The following CAPN1 variants were observed in gnomAD, a reference collection of about 807,000 sequenced individuals.
The protein encoded by CAPN1 is calpain 1, also known as calpain-1 catalytic subunit.
Under a neutral mutation model 105.2 loss-of-function variants are expected in CAPN1, and 77 were observed. The ratio of observed to expected loss-of-function variants is 0.73; its 90% CI spans 0.61 to 0.88. The LOEUF is 0.88. Ranked by LOEUF, CAPN1 falls within the 40% of genes least tolerant of loss-of-function variation. The pLI is 0.00. For synonymous variants in CAPN1, 355 were observed against 388.8 expected, an observed-to-expected ratio of 0.91 and a Z score of 1.02; for missense variants, 833 against 976.6, an observed-to-expected ratio of 0.85 and a Z score of 1.96.
chr11:65,185,997 C>T lies in CAPN1; in HGVS notation c.537C>T (p.His179=). 1.2e-6 allele frequency: 2 copies of T among 1,608,626 alleles called. No individual in the cohort carries two copies. The highest frequency in any genetic ancestry group is 1.1e-5 in the South Asian group (1 of 90,028). Reference sequence around the variant, plus strand: ...AGGACGGGAAGCTAGTGTTCGTGCACTCTGCCGAAGGCAACGAGTTCTGGA... The same window carrying T: ...AGGACGGGAAGCTAGTGTTCGTGCATTCTGCCGAAGGCAACGAGTTCTGGA... ...PIKDGKLVFV[H]SAEGNEFWSA... Residue 179 remains histidine, a synonymous_variant, in exon 5 of 22, where the codon CAC becomes CAT. Coordinates refer to ENST00000279247, the MANE Select transcript of CAPN1 (RefSeq NM_005186.4).
Position 65,204,666 on chromosome 11 carries a change from T to C in CAPN1, c.1166-17T>C. ...CCCCGCCCTGCCTCTGATCCCCGCC[T>C]CCTCACCTGCCCGCAGCCACCTTCT... On this transcript the variant is annotated splice_polypyrimidine_tract_variant and intron_variant, in intron 10 of 21. Transcript: ENST00000279247. 6.2e-7 allele frequency: 1 copy of C among 1,602,566 alleles called. No homozygotes were observed. The highest frequency in any genetic ancestry group is 2.2e-5 in the East Asian group (1 of 44,524).
Position 65,209,711 on chromosome 11 carries a change from G to C in CAPN1, c.1795-138G>C. On this transcript the variant is annotated intron_variant, in intron 17 of 21. Transcript: ENST00000279247. The surrounding 1 kb of genome is among the most constrained non-coding windows in gnomAD (Gnocchi z 4.1). ...AGGCAAGCCCGGCTGTGGGCTGACT[G>C]TACATGGCTTTTGCTGCTTCTCCTC... is the stretch of plus-strand genomic sequence containing the variant. 1.2e-6 allele frequency: 1 copy of C among 829,074 alleles called. No individual in the cohort carries two copies. The highest frequency in any genetic ancestry group is 2.7e-5 in the East Asian group (1 of 37,604). The allele number at this position is 829,074 out of a possible 1,614,324, so 51.4% of individuals were successfully genotyped here. A position where few individuals can be genotyped will look rare whatever the true frequency, so the allele number is the denominator to read the frequency against.
chr11:65,210,286 G>GGA lies in CAPN1; in HGVS notation c.1943-50_1943-49insGA. 7.3e-7 allele frequency: 1 copy of GGA among 1,377,112 alleles called. No homozygotes were observed. The highest frequency in any genetic ancestry group is 1.2e-5 in the South Asian group (1 of 83,556). 85.3% of individuals were successfully genotyped at this position (1,377,112 alleles called of 1,614,324 possible). ...GGGGACCCAACCCCTCCCCCATCCTGTTGGGCAGGGGCTGCGCCTCACTGA... is the reference window on the plus strand; with the variant it reads ...GGGGACCCAACCCCTCCCCCATCCTGGATTGGGCAGGGGCTGCGCCTCACTGA... On this transcript the variant is annotated intron_variant, in intron 19 of 21. Coordinates refer to ENST00000279247, the MANE Select transcript of CAPN1 (RefSeq NM_005186.4). The surrounding 1 kb of genome is among the most constrained non-coding windows in gnomAD (Gnocchi z 4.3).
chr11:65,192,925 T>C (rs183055704), intron 10 of CAPN1, among the ~76,000 whole-genome samples: 1 of 151,188 alleles, frequency 6.6e-6, no homozygotes, highest in East Asian at 2.0e-4. Flanking sequence ...TATTTTCTAA[T>C]AATTTATTCT....
rs373268116 is a variant in CAPN1, at chr11:65,183,424, C to T, written c.338-50C>T. 28 of 1,425,386 alleles carry T rather than the reference C, an allele frequency of 2.0e-5. 1 individual carries two copies. In the African/African-American group the frequency reaches 3.6e-4, roughly 18 times the overall value. The allele number at this position is 1,425,386 out of a possible 1,614,324, so 88.3% of individuals were successfully genotyped here. A position where few individuals can be genotyped will look rare whatever the true frequency, so the allele number is the denominator to read the frequency against. Reference sequence around the variant, plus strand: ...GATTCTCCCTAGCACCCGCTTCCCCCCCCGGGGCAGGTTGGTAGAGCAGGC... The same window carrying T: ...GATTCTCCCTAGCACCCGCTTCCCCTCCCGGGGCAGGTTGGTAGAGCAGGC... On this transcript the variant is annotated intron_variant, in intron 3 of 21. Transcript: ENST00000279247.
chr11:65,209,755 T>C lies in CAPN1; in HGVS notation c.1795-94T>C. 7.8e-7 allele frequency: 1 copy of C among 1,275,088 alleles called. No individual in the cohort carries two copies. Among genetic ancestry groups the C allele is most frequent in the Non-Finnish European group, 1.1e-6 (1 of 899,510 alleles). 79.0% of individuals were successfully genotyped at this position (1,275,088 alleles called of 1,614,324 possible). On this transcript the variant is annotated intron_variant, in intron 17 of 21. Transcript: ENST00000279247. The surrounding 1 kb of genome is among the most constrained non-coding windows in gnomAD (Gnocchi z 4.1). The stretch of plus-strand genomic sequence containing the variant: ...TCTCCTCACCCAGCCCCAAGTCGAC[T>C]TGCCGGCTCGGCGGCCATCTCCCCT...
At chr11:65,186,822 C>G (rs903822673) in intron 6 of CAPN1, among the ~76,000 whole-genome samples, 4 of 152,208 alleles carry the variant, frequency 2.6e-5, no homozygotes, top group African/African-American at 9.7e-5. Flanking sequence ...ACCCCAGCTC[C>G]CATTCCCATT....
At chr11:65,195,735 A>G (rs943717996) in intron 10 of CAPN1, among the ~76,000 whole-genome samples, 1 of 152,040 alleles carries the variant, frequency 6.6e-6, no homozygotes, top group Non-Finnish European at 1.5e-5. Flanking sequence ...CTTTAAGGTA[A>G]TGCTGGCCTC....
At chr11:65,186,392 C>T in intron 6 of CAPN1, 54 bp downstream of exon 6, 1 of 1,505,548 alleles carries the variant, frequency 6.6e-7, no homozygotes, top group Admixed American at 2.1e-5. Context: ...GTATCCTGAC[C>T]TGTCACATTT....
chr11:65,210,214 CT>C lies in CAPN1; in HGVS notation c.1943-118del. 1.7e-6 allele frequency: 2 copies of C among 1,144,038 alleles called. No individual in the cohort carries two copies. Among genetic ancestry groups the C allele is most frequent in the Non-Finnish European group, 2.6e-6 (2 of 767,250 alleles). 70.9% of individuals were successfully genotyped at this position (1,144,038 alleles called of 1,614,324 possible). On this transcript the variant is annotated intron_variant, in intron 19 of 21. Transcript: ENST00000279247. This position sits in a 1 kb window ranked among gnomAD's most constrained non-coding sequence, Gnocchi z 4.3. ...GTGACATGGTAACAGCCATCTTGTCCTTTTCCCCACGGTTACTAGCACCCTG... is the reference window on the plus strand; with the variant it reads ...GTGACATGGTAACAGCCATCTTGTCCTTTCCCCACGGTTACTAGCACCCTG...
At chr11:65,198,470 G>A (rs964933574) in intron 10 of CAPN1, among the ~76,000 whole-genome samples, 70 of 152,032 alleles carry the variant, frequency 4.6e-4, no homozygotes, top group African/African-American at 1.3e-3. Flanking sequence ...TACCCTCCTC[G>A]TGAACAATGC....
At chr11:65,200,485 A>G (rs1948852201) in intron 10 of CAPN1, among the ~76,000 whole-genome samples, 1 of 152,106 alleles carries the variant, frequency 6.6e-6, no homozygotes, top group Non-Finnish European at 1.5e-5. Context: ...CTGGGATTAC[A>G]GGCGTGTGCC....
chr11:65,184,507 C>T (rs1948603993), intron 4 of CAPN1, among the ~76,000 whole-genome samples: 1 of 151,760 alleles, frequency 6.6e-6, no homozygotes, highest in South Asian at 2.1e-4. Flanking sequence ...TGGCCCCGAC[C>T]CCTCAGATGG....
chr11:65,195,336 C>T (rs1459690851), intron 10 of CAPN1, among the ~76,000 whole-genome samples: 1 of 152,074 alleles, frequency 6.6e-6, no homozygotes, highest in Admixed American at 6.6e-5. Context: ...CCGTGTTGGT[C>T]AGGCTGGTCT....
At chr11:65,205,918 A>T in intron 12 of CAPN1, 197 bp downstream of exon 12, 1 of 597,068 alleles carries the variant, frequency 1.7e-6, no homozygotes, top group South Asian at 2.0e-5. Flanking sequence ...GTAGTCAGTG[A>T]GGGAGCTGGA....
Position 65,183,295 on chromosome 11 carries a change from C to T in CAPN1, c.337+98C>T, listed in dbSNP as rs981980394. 13 of 1,278,756 alleles carry T rather than the reference C, an allele frequency of 1.0e-5. No homozygotes were observed. In the African/African-American group the frequency reaches 1.8e-4, roughly 17 times the overall value. The allele number at this position is 1,278,756 out of a possible 1,614,324, so 79.2% of individuals were successfully genotyped here. Reference sequence around the variant, plus strand: ...GCCCCAACCCCTCCCTCTTGCAAGCCCAGGCAGGATCTGGCTATCAGCGCT... The same window carrying T: ...GCCCCAACCCCTCCCTCTTGCAAGCTCAGGCAGGATCTGGCTATCAGCGCT... On this transcript the variant is annotated intron_variant, in intron 3 of 21. Transcript: ENST00000279247.
chr11:65,197,888 G>GA (rs71049687), intron 10 of CAPN1, among the ~76,000 whole-genome samples: 29,635 of 83,352 alleles, frequency 0.36, 5,640 homozygotes, highest in Middle Eastern at 0.47. Context: ...AACTCTATCT[G>GA]AAAAAAAAAA....
In CAPN1 at chr11:65,206,579, A is replaced by C. The variant is rs1408656481; in HGVS notation, c.1470A>C (p.Pro490=). The change falls in exon 13 of 22, where the codon CCA becomes CCC. Residue 490 remains proline, a synonymous_variant. Transcript: ENST00000279247. Reference sequence around the variant, plus strand: ...AGGTCAGCACCCGCTTCCGCCTGCCACCCGGGGAGTATGTGGTGGTGCCCT... The same window carrying C: ...AGGTCAGCACCCGCTTCCGCCTGCCCCCCGGGGAGTATGTGGTGGTGCCCT... ...LREVSTRFRL[P]PGEYVVVPST... 1 of 1,613,154 alleles carries C rather than the reference A, an allele frequency of 6.2e-7. No individual in the cohort carries two copies. Among genetic ancestry groups the C allele is most frequent in the African/African-American group, 1.3e-5 (1 of 74,916 alleles).
At chr11:65,203,199 T>TC (rs58818455) in intron 10 of CAPN1, among the ~76,000 whole-genome samples, 588 of 12,282 alleles carry the variant, frequency 0.048, 4 homozygotes, top group Middle Eastern at 0.12. Context: ...ACATTCTCTC[T>TC]TTTTTTTTTT....
Sources: gnomAD v4.1 joint callset for allele counts (sites outside exome capture counted in the v4.1 genomes callset) on GRCh38, gnomAD v4.1.1 for gene constraint, Gnocchi (gnomAD v3.1) non-coding constraint, MANE v1.5 for transcripts, NCBI Gene and HGNC (gene_info 2026-07-23, HGNC 2026-07-21) for gene names.